GRID2IP: variants seen among roughly 807,000 people sequenced by gnomAD.
GRID2IP encodes Grid2 interacting protein.
Under a neutral mutation model 114.3 loss-of-function variants are expected in GRID2IP, and 78 were observed. That is an observed-to-expected ratio of 0.68 (90% CI 0.57 to 0.82). GRID2IP has a LOEUF of 0.82. Among genes scored for constraint, GRID2IP ranks in the 40% least tolerant of loss-of-function variants. GRID2IP has a pLI of 0.00. For missense variants in GRID2IP, 1,727 were observed against 1,678.5 expected (o/e 1.03, Z -0.51); for synonymous variants, 809 against 724.0 (o/e 1.12, Z -1.89).
At chr7:6,550,405 C>T (rs1262388291) in intron 1 of GRID2IP, among the ~76,000 whole-genome samples, 1 of 151,882 alleles carries the variant, frequency 6.6e-6, no homozygotes, top group African/African-American at 2.4e-5. Flanking sequence ...ATATATTGAT[C>T]AAGAGGGTGG....
At chr7:6,541,561 C>T (rs1300598797) in intron 1 of GRID2IP, among the ~76,000 whole-genome samples, 1 of 152,188 alleles carries the variant, frequency 6.6e-6, no homozygotes, top group Non-Finnish European at 1.5e-5. Flanking sequence ...GAGTGTGTGG[C>T]CATTGGAAAT....
intron 2 of GRID2IP, among the ~76,000 whole-genome samples, chr7:6,527,335 C>T (rs931771699): frequency 3.9e-5 from 6 of 152,160 alleles, no homozygotes; most frequent in Admixed American, 2.6e-4. Flanking sequence ...TCTCTAAGCT[C>T]TTGCCCAGGC....
intron 2 of GRID2IP, among the ~76,000 whole-genome samples, chr7:6,535,913 G>A (rs935863219): frequency 2.6e-5 from 4 of 151,972 alleles, no homozygotes; most frequent in Non-Finnish European, 4.4e-5. Flanking sequence ...TCTACAGGAC[G>A]CACCACCAGA....
intron 1 of GRID2IP, among the ~76,000 whole-genome samples, chr7:6,540,730 C>T (rs1177034754): frequency 1.6e-5 from 2 of 123,108 alleles, no homozygotes; most frequent in African/African-American, 6.4e-5. Context: ...GGGGTTTTAC[C>T]ATGTTGGCCA....
chr7:6,542,027 C>T (rs886162264), intron 1 of GRID2IP, among the ~76,000 whole-genome samples: 4 of 152,138 alleles, frequency 2.6e-5, no homozygotes, highest in Admixed American at 6.6e-5. Flanking sequence ...CTCAGCCAGG[C>T]GCGGTGGCTC....
Position 6,508,553 on chromosome 7 carries a change from T to C in GRID2IP, c.2128-152A>G, listed in dbSNP as rs1226175795. Among the ~76,000 whole-genome samples the C allele has an allele frequency of 1.3e-5, 2 of 151,398 alleles. No individual in the cohort carries two copies. Among genetic ancestry groups the C allele is most frequent in the African/African-American group, 2.4e-5 (1 of 41,108 alleles). On this transcript the variant is annotated intron_variant, in intron 12 of 21. Coordinates refer to ENST00000457091, the MANE Select transcript of GRID2IP (RefSeq NM_001145118.2). This position sits in a 1 kb window ranked among gnomAD's most constrained non-coding sequence, Gnocchi z 5.6. ...CTGTGAGGGACACCTGGGCTAAGGA[T>C]AGGACTGTCTCACAGGTTAACCTCA...
intron 20 of GRID2IP, among the ~76,000 whole-genome samples, chr7:6,501,176 C>G (rs1786403996): frequency 6.6e-6 from 1 of 152,066 alleles, no homozygotes; most frequent in Non-Finnish European, 1.5e-5. Context: ...CATAGTGAAC[C>G]CATGTCTATA....
chr7:6,503,691 CG>C lies in GRID2IP; in HGVS notation c.2711-5del. On this transcript the variant is annotated splice_polypyrimidine_tract_variant and splice_region_variant and intron_variant, in intron 15 of 21. Transcript: ENST00000457091. ...TTCAGGTGTGCCAAGAGGATGGCTG[CG>C]GGCGGGGCGGGGCGGTGAGCTGGGC... 1.8e-6 allele frequency: 2 copies of C among 1,122,870 alleles called. No homozygotes were observed. The highest frequency in any genetic ancestry group is 2.3e-6 in the Non-Finnish European group (2 of 868,976). 69.6% of individuals were successfully genotyped at this position (1,122,870 alleles called of 1,614,324 possible). A position where few individuals can be genotyped will look rare whatever the true frequency, so the allele number is the denominator to read the frequency against.
At chr7:6,501,223 T>C (rs1786405755) in intron 20 of GRID2IP, among the ~76,000 whole-genome samples, 1 of 152,008 alleles carries the variant, frequency 6.6e-6, no homozygotes, top group Admixed American at 6.6e-5. Flanking sequence ...TGGTGGTGGG[T>C]GCCTGTAATC....
Position 6,534,014 on chromosome 7 carries a change from C to A in GRID2IP, c.584+5704G>T, listed in dbSNP as rs1432105709. Among the ~76,000 whole-genome samples the A allele has an allele frequency of 6.6e-6, 1 of 152,102 alleles. No homozygotes were observed. The highest frequency in any genetic ancestry group is 1.5e-5 in the Non-Finnish European group (1 of 68,024). ...TGAAGCAGAAGAGGGTGACGGGGTG[C>A]AGATAGTCCCTCACAGGCCACCCTT... On this transcript the variant is annotated intron_variant, in intron 2 of 21. Transcript: ENST00000457091. The surrounding 1 kb of genome is among the most constrained non-coding windows in gnomAD (Gnocchi z 4.5).
At chr7:6,544,650 T>TATAA (rs1209134129) in intron 1 of GRID2IP, among the ~76,000 whole-genome samples, 1 of 152,116 alleles carries the variant, frequency 6.6e-6, no homozygotes, top group African/African-American at 2.4e-5. Flanking sequence ...TCTCTCAGGC[T>TATAA]ATAAATAAAT....
At chr7:6,522,130 G>A (rs147226174) in intron 4 of GRID2IP, among the ~76,000 whole-genome samples, 173 bp from the exon 5 acceptor site, 3,283 of 152,162 alleles carry the variant, frequency 0.022, 99 homozygotes, top group African/African-American at 0.068. Context: ...CAGGAGGATC[G>A]CTTGAGCCCA....
intron 2 of GRID2IP, among the ~76,000 whole-genome samples, chr7:6,527,529 G>C (rs1488787093): frequency 6.6e-6 from 1 of 152,212 alleles, no homozygotes; most frequent in Non-Finnish European, 1.5e-5. Flanking sequence ...TTGGAAGTGA[G>C]AGGCAGGGGG....
chr7:6,509,069 G>A lies in GRID2IP; in HGVS notation c.2016C>T (p.His672=), dbSNP rs1031049124. Residue 672 remains histidine, a synonymous_variant, in exon 12 of 22, where the codon CAC becomes CAT. Transcript: ENST00000457091. The surrounding 1 kb of genome is among the most constrained non-coding windows in gnomAD (Gnocchi z 4.9). ...GGTCAGTATCGCGGCTTCGCACAGG[G>A]TGGGAGAAGGTGAAGAGCTTCCTGC... The part of the protein sequence containing the change: ...PSRRKLFTFS[H]PVRSRDTDRF... 2 of 1,523,368 alleles carry A rather than the reference G, an allele frequency of 1.3e-6. No homozygotes were observed. Among genetic ancestry groups the A allele is most frequent in the Non-Finnish European group, 1.8e-6 (2 of 1,136,130 alleles). The allele number at this position is 1,523,368 out of a possible 1,614,324, so 94.4% of individuals were successfully genotyped here.
chr7:6,505,960 G>A lies in GRID2IP; in HGVS notation c.2545-53C>T, dbSNP rs1786571225. On this transcript the variant is annotated intron_variant, in intron 13 of 21. Coordinates refer to ENST00000457091, the MANE Select transcript of GRID2IP (RefSeq NM_001145118.2). ...TAGGAGGAGCAGCAGCAGCTGGACT[G>A]GCCTCCCACTTCCCACCCTCTGAGG... 2.4e-6 allele frequency: 3 copies of A among 1,272,812 alleles called. No homozygotes were observed. The Admixed American group carries it at 6.0e-5, about 25-fold the overall frequency. 78.8% of individuals were successfully genotyped at this position (1,272,812 alleles called of 1,614,324 possible).
rs952615329 is a variant in GRID2IP at position 6,536,524 on chromosome 7, G to GA, written c.584+3193dup. On this transcript the variant is annotated intron_variant, in intron 2 of 21. Transcript: ENST00000457091. The surrounding 1 kb of genome is among the most constrained non-coding windows in gnomAD (Gnocchi z 5.3). ...CCGGGGGGCAGGCGGGCTGGCCCGG[G>GA]AGGGGGCAGGAACAGACACCGGCAG... Among the ~76,000 whole-genome samples the GA allele has an allele frequency of 6.6e-6, 1 of 152,002 alleles. No homozygotes were observed. The highest frequency in any genetic ancestry group is 2.4e-5 in the African/African-American group (1 of 41,418).
In GRID2IP at chr7:6,497,503, A is replaced by C; in HGVS notation, c.*271T>G. 1 of 346,568 alleles carries C rather than the reference A, an allele frequency of 2.9e-6. No individual in the cohort carries two copies. The allele number at this position is 346,568 out of a possible 1,614,324, so 21.5% of individuals were successfully genotyped here. ...CTGACAGCCTGGGAGCGAAGTGGGAAGTGGGCCCAAGAAGCCGACAGAGCA... is the reference window on the plus strand; with the variant it reads ...CTGACAGCCTGGGAGCGAAGTGGGACGTGGGCCCAAGAAGCCGACAGAGCA... On this transcript the variant is annotated 3_prime_UTR_variant, in exon 22 of 22. Transcript: ENST00000457091.
In GRID2IP at chr7:6,520,747, C is replaced by A. The variant is rs926706461; in HGVS notation, c.1099G>T (p.Asp367Tyr). The A allele has an allele frequency of 6.4e-7, 1 of 1,550,986 alleles. No homozygotes were observed. The highest frequency in any genetic ancestry group is 1.4e-5 in the African/African-American group (1 of 73,026). The part of the protein sequence containing the change: ...VPFASDSDSL[D>Y]SPNPSSALTS... ...AGCGCCGACGACGGGTTGGGTGAGT[C>A]CAGAGAATCGGAGTCTGCTGGGACC... The change falls in exon 7 of 22, where the codon GAC becomes TAC. Residue 367 changes from aspartate (D) to tyrosine (Y), a missense_variant. Physicochemically the swap from Asp to Tyr is radical, Grantham distance 160. Coordinates refer to ENST00000457091, the MANE Select transcript of GRID2IP (RefSeq NM_001145118.2). This position sits in a 1 kb window ranked among gnomAD's most constrained non-coding sequence, Gnocchi z 4.6.
chr7:6,516,976 A>G lies in GRID2IP; in HGVS notation c.1269-2447T>C, dbSNP rs529403738. Among the ~76,000 whole-genome samples the G allele has an allele frequency of 3.3e-3, 493 of 151,070 alleles. 6 individuals are homozygous for G. Among genetic ancestry groups the G allele is most frequent in the Non-Finnish European group, 5.4e-3 (364 of 67,778 alleles). On this transcript the variant is annotated intron_variant, in intron 7 of 21. Coordinates refer to ENST00000457091, the MANE Select transcript of GRID2IP (RefSeq NM_001145118.2). This position sits in a 1 kb window ranked among gnomAD's most constrained non-coding sequence, Gnocchi z 4.3. ...ACAGCACGGCCAGGCATTCGGGGCC[A>G]CTACTGGTCTCCGCGTCTTGGTGGT...
Sources: allele counts gnomAD v4.1 joint callset (sites outside exome capture counted in the v4.1 genomes callset), GRCh38; gene constraint gnomAD v4.1.1; non-coding constraint Gnocchi (gnomAD v3.1); transcripts MANE v1.5; gene names NCBI Gene and HGNC (gene_info 2026-07-23, HGNC 2026-07-21).